Variants in DOCK4 observed in about 807,000 individuals in gnomAD.
DOCK4 encodes dedicator of cytokinesis protein 4.
In DOCK4, 97 loss-of-function variants were observed where a neutral mutation model predicts 268.1. That is an observed-to-expected ratio of 0.36 (90% CI 0.31 to 0.43). The LOEUF is 0.43. Ranked by LOEUF, DOCK4 falls within the 20% of genes least tolerant of loss-of-function variation. DOCK4 has a pLI of 1.00. For synonymous variants in DOCK4, 954 were observed against 887.2 expected (o/e 1.08, Z -1.34); for missense variants, 2,145 against 2,455.7 (o/e 0.87, Z 2.67).
At chr7:111,841,152 G>GATTTATTTATTTATTT (rs10561221) in intron 25 of DOCK4, among the ~76,000 whole-genome samples, 2 of 150,336 alleles carry the variant, frequency 1.3e-5, no homozygotes, top group African/African-American at 4.9e-5. Flanking sequence ...TATTTTCTCT[G>GATTTATTTATTTATTT]ATTTATTTAT....
Position 111,741,137 on chromosome 7 carries a change from A to G in DOCK4, c.4997T>C (p.Ile1666Thr). The change falls in exon 47 of 53, where the codon ATT (isoleucine) becomes ACT (threonine). Residue 1666 changes from isoleucine (I) to threonine (T), a missense_variant. By Grantham distance (89) the Ile-to-Thr change is moderately conservative. This residue lies in a region of DOCK4 where 547 missense variants were observed against 469.0 expected (regional missense o/e 1.17). Coordinates refer to ENST00000428084, the MANE Select transcript of DOCK4 (RefSeq NM_001363540.2). ...SSQASAEVSNITGQSESSDEV... is the reference protein window; with the variant it reads ...SSQASAEVSNTTGQSESSDEV... Reference sequence around the variant, plus strand: ...ATCAGAGCTTTCTGATTGCCCTGTAATATTGCTTACTTCAGCAGAAGCTTG... The same window carrying G: ...ATCAGAGCTTTCTGATTGCCCTGTAGTATTGCTTACTTCAGCAGAAGCTTG... The G allele has an allele frequency of 6.2e-7, 1 of 1,613,996 alleles. No homozygotes were observed. The highest frequency in any genetic ancestry group is 8.5e-7 in the Non-Finnish European group (1 of 1,179,882).
At chr7:112,124,959 G>C (rs1369374800) in intron 1 of DOCK4, among the ~76,000 whole-genome samples, 1 of 152,080 alleles carries the variant, frequency 6.6e-6, no homozygotes, top group Non-Finnish European at 1.5e-5. Flanking sequence ...ATAAACATGA[G>C]TTTGGTTTAC....
At chr7:111,959,150 G>GCAGA (rs139813920) in intron 8 of DOCK4, among the ~76,000 whole-genome samples, 7,033 of 152,158 alleles carry the variant, frequency 0.046, 543 homozygotes, top group African/African-American at 0.16. Flanking sequence ...TGACAGGCAG[G>GCAGA]CAGACACCCA....
At chr7:112,059,193 A>T (rs1320748273) in intron 1 of DOCK4, among the ~76,000 whole-genome samples, 2 of 132,240 alleles carry the variant, frequency 1.5e-5, no homozygotes, top group Non-Finnish European at 3.0e-5. Context: ...CCCAGGCCAG[A>T]GTGCAGTGGC....
At chr7:111,928,358 T>C (rs545194618) in intron 12 of DOCK4, among the ~76,000 whole-genome samples, 25 of 152,192 alleles carry the variant, frequency 1.6e-4, no homozygotes, top group Non-Finnish European at 3.4e-4. Context: ...TAGCCATACA[T>C]AGCTCATTTA....
rs1257507322 is a variant in DOCK4, at chr7:112,190,257, C to A, written c.37+15845G>T. ...GAGAAATCAAAGCTGAACCACACAG[C>A]ATCTCTGGCCTCAAGGGCTTCCCTA... On this transcript the variant is annotated intron_variant, in intron 1 of 52. Transcript: ENST00000428084. Among the ~76,000 whole-genome samples, 11 of 152,012 alleles carry A rather than the reference C, an allele frequency of 7.2e-5. No individual in the cohort carries two copies. In the East Asian group the frequency reaches 2.1e-3, roughly 29 times the overall value.
chr7:111,944,514 A>G (rs1795460942), intron 10 of DOCK4, among the ~76,000 whole-genome samples: 1 of 151,606 alleles, frequency 6.6e-6, no homozygotes, highest in Admixed American at 6.6e-5. Context: ...TAAGAGACAA[A>G]CACAGAATTT....
intron 36 of DOCK4, among the ~76,000 whole-genome samples, chr7:111,774,186 C>T (rs4730500): frequency 0.42 from 63,271 of 151,932 alleles, 17,189 homozygotes; most frequent in African/African-American, 0.77. Flanking sequence ...AATCTGGGGC[C>T]GGACATGGTA....
chr7:111,926,462 G>C (rs1000652829), intron 12 of DOCK4, among the ~76,000 whole-genome samples: 3 of 106,916 alleles, frequency 2.8e-5, no homozygotes, highest in Admixed American at 9.8e-5. Context: ...GAGAGAAAGA[G>C]AAAAAGAAAG....
intron 52 of DOCK4, among the ~76,000 whole-genome samples, chr7:111,729,204 G>T (rs1440261620): frequency 2.6e-5 from 4 of 152,172 alleles, no homozygotes; most frequent in Non-Finnish European, 5.9e-5. Context: ...ACGTTTATCT[G>T]CGAGGGCCAC....
intron 51 of DOCK4, among the ~76,000 whole-genome samples, 174 bp downstream of exon 51, chr7:111,734,880 C>T (rs1413629331): frequency 6.6e-6 from 1 of 152,082 alleles, no homozygotes; most frequent in African/African-American, 2.4e-5. Context: ...TGTTTGACCC[C>T]GTGTAATAGA....
At chr7:112,009,011 A>G (rs1801081847) in intron 1 of DOCK4, among the ~76,000 whole-genome samples, 2 of 152,164 alleles carry the variant, frequency 1.3e-5, no homozygotes, top group African/African-American at 4.8e-5. Flanking sequence ...ACAAACAAAC[A>G]AAGAATTATT....
intron 1 of DOCK4, among the ~76,000 whole-genome samples, chr7:112,038,785 T>C (rs1441977555): frequency 6.6e-6 from 1 of 152,238 alleles, no homozygotes; most frequent in Admixed American, 6.5e-5. Flanking sequence ...GAACATAACC[T>C]TTGGAGCCAG....
At chr7:111,934,987 C>T (rs562681357) in intron 12 of DOCK4, among the ~76,000 whole-genome samples, 107 of 151,718 alleles carry the variant, frequency 7.1e-4, no homozygotes, top group Non-Finnish European at 1.1e-3. Context: ...TACTGTGTCA[C>T]GCAGGCTGGA....
chr7:112,027,281 G>A (rs1359245584), intron 1 of DOCK4, among the ~76,000 whole-genome samples: 3 of 152,144 alleles, frequency 2.0e-5, no homozygotes, highest in Non-Finnish European at 4.4e-5. Context: ...GTGGAGTGCA[G>A]TGGTGCAATC....
chr7:111,811,002 A>AAAAAC (rs200093545), intron 28 of DOCK4, among the ~76,000 whole-genome samples: 13 of 152,146 alleles, frequency 8.5e-5, no homozygotes, highest in African/African-American at 2.2e-4. Context: ...ACTCTGTCTC[A>AAAAAC]AAAACAAAAC....
At chr7:112,135,773 CA>C (rs34639449) in intron 1 of DOCK4, among the ~76,000 whole-genome samples, 32 of 145,846 alleles carry the variant, frequency 2.2e-4, no homozygotes, top group Non-Finnish European at 2.1e-4. Context: ...GTCCTCTCAC[CA>C]AAAAAAAAAA....
At chr7:111,761,397 T>C (rs1339203138) in intron 39 of DOCK4, among the ~76,000 whole-genome samples, 1 of 152,102 alleles carries the variant, frequency 6.6e-6, no homozygotes, top group East Asian at 1.9e-4. Flanking sequence ...CCACGTGTAC[T>C]AGATTGAAAT....
chr7:111,983,860 G>GCACACACACA (rs375791144), intron 7 of DOCK4, among the ~76,000 whole-genome samples: 55 of 128,920 alleles, frequency 4.3e-4, no homozygotes, highest in Middle Eastern at 3.8e-3. Flanking sequence ...GCGCGCGCGC[G>GCACACACACA]CGCACACACA....
Sources: allele counts gnomAD v4.1 joint callset (sites outside exome capture counted in the v4.1 genomes callset), GRCh38; gene constraint gnomAD v4.1.1; regional missense constraint gnomAD v4.1.1; transcripts MANE v1.5; gene names NCBI Gene and HGNC (gene_info 2026-07-23, HGNC 2026-07-21).